The following MGAT4C variants were observed in gnomAD, a reference collection of about 807,000 sequenced individuals.
The protein encoded by MGAT4C is alpha-1,3-mannosyl-glycoprotein 4-beta-N-acetylglucosaminyltransferase C.
MGAT4C carries 19 observed loss-of-function variants against 40.1 expected under a neutral mutation model. That is an observed-to-expected ratio of 0.47 (90% CI 0.33 to 0.70). The LOEUF (loss-of-function observed/expected upper bound fraction) is 0.70. Among genes scored for constraint, MGAT4C ranks in the 30% least tolerant of loss-of-function variants. The pLI is 0.02. For synonymous variants in MGAT4C, 181 were observed against 187.1 expected (o/e 0.97, Z 0.27); for missense variants, 491 against 563.2 (o/e 0.87, Z 1.30).
chr12:86,345,637 G>T (rs895854738), intron 3 of MGAT4C, among the ~76,000 whole-genome samples: 11 of 151,974 alleles, frequency 7.2e-5, no homozygotes, highest in Admixed American at 5.9e-4. Flanking sequence ...AGTATTCCAT[G>T]GTGTATATGT....
chr12:86,775,417 T>G (rs1315257563), intron 1 of MGAT4C, among the ~76,000 whole-genome samples: 1 of 150,468 alleles, frequency 6.6e-6, no homozygotes, highest in Non-Finnish European at 1.5e-5. Context: ...AATTAAAATA[T>G]TTATAAATAA....
intron 2 of MGAT4C, among the ~76,000 whole-genome samples, chr12:86,560,475 G>A (rs559560881): frequency 1.9e-4 from 29 of 152,066 alleles, no homozygotes; most frequent in Non-Finnish European, 3.1e-4. Context: ...TTCAAGGATG[G>A]TTCAACATAC....
In MGAT4C at chr12:86,192,609, C is replaced by T. The variant is rs565194783; in HGVS notation, c.-57+63630G>A. On this transcript the variant is annotated intron_variant, in intron 1 of 4. Transcript: ENST00000611864. ...GCAAAGTGTGGCCCATGAAGAGTTG[C>T]ACTATACTCCAAAAGAACCACATGA... is the stretch of plus-strand genomic sequence containing the variant. Among the ~76,000 whole-genome samples the T allele has an allele frequency of 3.3e-5, 5 of 152,230 alleles. No homozygotes were observed. The South Asian group carries it at 8.3e-4, about 25-fold the overall frequency.
At chr12:86,597,498 T>G (rs943430506) in intron 2 of MGAT4C, among the ~76,000 whole-genome samples, 1 of 152,252 alleles carries the variant, frequency 6.6e-6, no homozygotes, top group Admixed American at 6.5e-5. Context: ...GTTGTCCCTA[T>G]TGCCTCAGAA....
chr12:86,417,973 T>C (rs1956748905), intron 3 of MGAT4C, among the ~76,000 whole-genome samples: 1 of 152,134 alleles, frequency 6.6e-6, no homozygotes, highest in Admixed American at 6.6e-5. Flanking sequence ...CCCAACATTA[T>C]ACAACTAAGA....
At chr12:86,061,242 G>T (rs370839767) in intron 1 of MGAT4C, among the ~76,000 whole-genome samples, 1 of 152,140 alleles carries the variant, frequency 6.6e-6, no homozygotes, top group Non-Finnish European at 1.5e-5. Flanking sequence ...CCCCTCAACC[G>T]GGAAGTGCAA....
chr12:86,409,417 A>C (rs888399952), intron 3 of MGAT4C, among the ~76,000 whole-genome samples: 12 of 152,130 alleles, frequency 7.9e-5, no homozygotes, highest in Admixed American at 2.6e-4. Context: ...AAAACAAACA[A>C]TCAAAAACCT....
chr12:86,683,593 A>T (rs1215005434), intron 2 of MGAT4C, among the ~76,000 whole-genome samples: 1 of 152,156 alleles, frequency 6.6e-6, no homozygotes, highest in Non-Finnish European at 1.5e-5. Flanking sequence ...AACCAAAAAA[A>T]TCCTCACCAT....
rs1565764809 is a variant in MGAT4C at position 86,441,343 on chromosome 12, T to TTA, written c.-228-6079_-228-6078insTA. On this transcript the variant is annotated intron_variant, in intron 2 of 7. Transcript: ENST00000548651. ...CCAACTGATTTTTTTTATTATTATTTTTATTATTATTATTATTATTATACT... is the reference window on the plus strand; with the variant it reads ...CCAACTGATTTTTTTTATTATTATTTTATTATTATTATTATTATTATTATACT... Among the ~76,000 whole-genome samples the TTA allele has an allele frequency of 2.0e-3, 294 of 150,070 alleles. 1 individual carries two copies. The highest frequency in any genetic ancestry group is 7.0e-3 in the African/African-American group (289 of 41,054).
At chr12:86,760,210 T>C (rs907765930) in intron 1 of MGAT4C, among the ~76,000 whole-genome samples, 1 of 152,026 alleles carries the variant, frequency 6.6e-6, no homozygotes, top group Non-Finnish European at 1.5e-5. Flanking sequence ...GAAAACTGTA[T>C]ATACACAGCA....
At chr12:86,120,510 T>C (rs1592994373) in intron 1 of MGAT4C, among the ~76,000 whole-genome samples, 1 of 152,170 alleles carries the variant, frequency 6.6e-6, no homozygotes, top group African/African-American at 2.4e-5. Flanking sequence ...GACTGACACC[T>C]CATACAGCCA....
At chr12:86,819,223 TTAAAA>T (rs982418383) in intron 1 of MGAT4C, among the ~76,000 whole-genome samples, 7 of 150,856 alleles carry the variant, frequency 4.6e-5, no homozygotes, top group African/African-American at 1.7e-4. Flanking sequence ...CATCAACTAC[TTAAAA>T]TGAGAAATAA....
intron 1 of MGAT4C, among the ~76,000 whole-genome samples, chr12:86,801,771 C>G (rs1367842406): frequency 6.9e-6 from 1 of 144,774 alleles, no homozygotes; most frequent in African/African-American, 2.4e-5. Flanking sequence ...GGATCAATTT[C>G]TTAATACTTA....
chr12:86,653,480 AG>A (rs1963753825), intron 2 of MGAT4C, among the ~76,000 whole-genome samples: 1 of 151,934 alleles, frequency 6.6e-6, no homozygotes, highest in Non-Finnish European at 1.5e-5. Flanking sequence ...TTGCTATAGT[AG>A]GGCTTTATCC....
intron 1 of MGAT4C, among the ~76,000 whole-genome samples, chr12:86,749,880 A>C (rs567048071): frequency 5.9e-5 from 9 of 151,918 alleles, no homozygotes; most frequent in African/African-American, 2.2e-4. Flanking sequence ...CTGAGAATAT[A>C]GATTTGCCTG....
intron 1 of MGAT4C, among the ~76,000 whole-genome samples, chr12:86,793,716 G>A (rs1226962910): frequency 1.3e-5 from 2 of 151,772 alleles, no homozygotes; most frequent in African/African-American, 2.4e-5. Context: ...AATTATTAAT[G>A]TATTCATTAA....
intron 2 of MGAT4C, among the ~76,000 whole-genome samples, chr12:86,047,622 A>T (rs576912270): frequency 2.4e-4 from 37 of 152,144 alleles, no homozygotes; most frequent in Non-Finnish European, 4.9e-4. Flanking sequence ...ATAATAGCAA[A>T]TGCTCTCCCT....
chr12:86,741,592 CA>C (rs1422364256), intron 1 of MGAT4C, among the ~76,000 whole-genome samples: 2 of 151,284 alleles, frequency 1.3e-5, no homozygotes, highest in Admixed American at 6.6e-5. Context: ...TGTCAAGAAG[CA>C]AAATAAAATT....
At chr12:86,476,107 TTCAGTA>T (rs1379442604) in intron 2 of MGAT4C, among the ~76,000 whole-genome samples, 1 of 152,122 alleles carries the variant, frequency 6.6e-6, no homozygotes, top group Non-Finnish European at 1.5e-5. Context: ...TTATCAAATT[TTCAGTA>T]TAAAATACAA....
Sources: allele counts gnomAD v4.1 joint callset (sites outside exome capture counted in the v4.1 genomes callset), GRCh38; gene constraint gnomAD v4.1.1; transcripts MANE v1.5; gene names NCBI Gene and HGNC (gene_info 2026-07-23, HGNC 2026-07-21).